The following CNTNAP5 variants were observed in gnomAD, a reference collection of about 807,000 sequenced individuals.
CNTNAP5 encodes the protein contactin associated protein family member 5.
Under a neutral mutation model 150.2 loss-of-function variants are expected in CNTNAP5, and 72 were observed. That is an observed-to-expected ratio of 0.48 (90% CI 0.40 to 0.58). The LOEUF is 0.58. CNTNAP5 is among the 20% of genes least tolerant of loss of function. CNTNAP5 has a pLI of 0.00. For missense variants in CNTNAP5, 1,636 were observed against 1,626.2 expected (o/e 1.01, Z -0.10); for synonymous variants, 672 against 619.8 (o/e 1.08, Z -1.25).
intron 20 of CNTNAP5, among the ~76,000 whole-genome samples, chr2:124,866,853 T>C (rs991691565): frequency 4.6e-5 from 7 of 152,168 alleles, no homozygotes; most frequent in African/African-American, 1.7e-4. Context: ...CTCTCCTCTT[T>C]ACTTATACTG....
chr2:124,107,444 A>G (rs1683193956), intron 1 of CNTNAP5, among the ~76,000 whole-genome samples: 2 of 152,216 alleles, frequency 1.3e-5, no homozygotes, highest in Admixed American at 1.3e-4. Flanking sequence ...ACCTTTGCTC[A>G]TTATGATATT....
chr2:124,529,972 C>T lies in CNTNAP5; in HGVS notation c.1649+2516C>T, dbSNP rs563651320. ...CAACCGGGCATCTTACATACTTAAA[C>T]GGTATTAGTGCTAGTCACGTGGGAA... On this transcript the variant is annotated intron_variant, in intron 10 of 23. Coordinates refer to ENST00000682447, the MANE Select transcript of CNTNAP5 (RefSeq NM_001367498.1). Among the ~76,000 whole-genome samples the T allele has an allele frequency of 6.6e-5, 10 of 152,238 alleles. No homozygotes were observed. The South Asian group carries it at 1.9e-3, about 28-fold the overall frequency.
At chr2:124,505,821 C>A (rs1004202946) in intron 8 of CNTNAP5, among the ~76,000 whole-genome samples, 4 of 152,092 alleles carry the variant, frequency 2.6e-5, no homozygotes, top group Non-Finnish European at 5.9e-5. Context: ...GATTGGTCTG[C>A]AGCATGCTGA....
chr2:124,881,880 C>T (rs1677971787), intron 21 of CNTNAP5, among the ~76,000 whole-genome samples: 1 of 151,982 alleles, frequency 6.6e-6, no homozygotes, highest in South Asian at 2.1e-4. Flanking sequence ...TTTCATAATA[C>T]ACTTCTTCTG....
chr2:124,287,476 G>A (rs1220352167), intron 3 of CNTNAP5, among the ~76,000 whole-genome samples: 3 of 152,170 alleles, frequency 2.0e-5, no homozygotes, highest in Non-Finnish European at 2.9e-5. Flanking sequence ...TACTGATGAT[G>A]ACTGCCTTGT....
At chr2:124,267,993 T>C (rs1473946721) in intron 3 of CNTNAP5, among the ~76,000 whole-genome samples, 1 of 152,216 alleles carries the variant, frequency 6.6e-6, no homozygotes, top group Non-Finnish European at 1.5e-5. Flanking sequence ...ACACTTATGG[T>C]AATGTCAGGA....
intron 1 of CNTNAP5, among the ~76,000 whole-genome samples, chr2:124,086,175 T>C (rs1305328393): frequency 6.7e-6 from 1 of 150,090 alleles, no homozygotes; most frequent in East Asian, 2.0e-4. Flanking sequence ...CAGCTTTGTT[T>C]TTGGTGTACA....
Position 124,865,328 on chromosome 2 carries a change from C to G in CNTNAP5, c.3240C>G (p.His1080Gln), listed in dbSNP as rs1357280071. Residue 1080 changes from histidine to glutamine, a missense_variant, in exon 20 of 24, where the codon CAC becomes CAG. His to Gln is a conservative substitution (Grantham distance 24, BLOSUM62 0). Coordinates refer to ENST00000682447, the MANE Select transcript of CNTNAP5 (RefSeq NM_001367498.1). ...AAGGAAGCTTACAGGTTCGCTATCA[C>G]CTAAACAAGGAAGAAACCCATGTAT... The part of the protein sequence containing the change: ...CKNGSLQVRY[H>Q]LNKEETHVFT... 1.3e-6 allele frequency: 2 copies of G among 1,564,164 alleles called. No homozygotes were observed. The highest frequency in any genetic ancestry group is 3.8e-5 in the Admixed American group (2 of 52,724).
chr2:124,361,513 G>A (rs1690196438), intron 3 of CNTNAP5, among the ~76,000 whole-genome samples: 1 of 146,418 alleles, frequency 6.8e-6, no homozygotes, highest in South Asian at 2.2e-4. Context: ...CTGTTTGTTA[G>A]TTTTCCTTCT....
intron 19 of CNTNAP5, among the ~76,000 whole-genome samples, chr2:124,804,224 C>T (rs1015048742): frequency 6.6e-6 from 1 of 152,100 alleles, no homozygotes; most frequent in Non-Finnish European, 1.5e-5. Context: ...ATAAAGAGTC[C>T]TCCTGGTCAC....
chr2:124,721,813 T>C (rs1185726273), intron 13 of CNTNAP5, among the ~76,000 whole-genome samples: 3 of 152,128 alleles, frequency 2.0e-5, no homozygotes, highest in South Asian at 4.1e-4. Context: ...ATGCCACAGA[T>C]TGAGTGGCTT....
chr2:124,555,994 A>T (rs1048215868), intron 10 of CNTNAP5, among the ~76,000 whole-genome samples: 7 of 152,198 alleles, frequency 4.6e-5, no homozygotes, highest in African/African-American at 1.7e-4. Flanking sequence ...ACCAAAAATT[A>T]TCTTTAAAAA....
chr2:124,695,039 G>A (rs1204968440), intron 13 of CNTNAP5, among the ~76,000 whole-genome samples: 3 of 151,614 alleles, frequency 2.0e-5, no homozygotes, highest in Non-Finnish European at 4.4e-5. Context: ...TGTAATGGAA[G>A]CAACATGACA....
intron 12 of CNTNAP5, among the ~76,000 whole-genome samples, chr2:124,629,775 T>G (rs959099410): frequency 8.3e-6 from 1 of 121,206 alleles, no homozygotes; most frequent in Non-Finnish European, 1.7e-5. Flanking sequence ...CAGGAGCTGT[T>G]TTTTTTTTTT....
chr2:124,551,943 T>A lies in CNTNAP5; in HGVS notation c.1650-11274T>A, dbSNP rs140192727. Among the ~76,000 whole-genome samples, 157 of 152,302 alleles carry A rather than the reference T, an allele frequency of 1.0e-3. 2 individuals carry two copies. The East Asian group carries it at 0.016, about 16-fold the overall frequency. ...GATGTGTTCAGGTTGAAGATTTTTTTAAGAGGGGTAGGCATGTGTCTAAAC... is the reference window on the plus strand; with the variant it reads ...GATGTGTTCAGGTTGAAGATTTTTTAAAGAGGGGTAGGCATGTGTCTAAAC... On this transcript the variant is annotated intron_variant, in intron 10 of 23. Coordinates refer to ENST00000682447, the MANE Select transcript of CNTNAP5 (RefSeq NM_001367498.1).
rs1434164598 is a variant in CNTNAP5, at chr2:124,920,474, C to T, written c.*6186C>T. On this transcript the variant is annotated 3_prime_UTR_variant, in exon 24 of 24. Coordinates refer to ENST00000682447, the MANE Select transcript of CNTNAP5 (RefSeq NM_001367498.1). The stretch of plus-strand genomic sequence containing the variant: ...GTAGTATCAACCTGTGTAACCTTGT[C>T]CTGCCTTAAATACTGTTGCAAAAAA... Among the ~76,000 whole-genome samples, 1 of 152,062 alleles carries T rather than the reference C, an allele frequency of 6.6e-6. No homozygotes were observed. Among genetic ancestry groups the T allele is most frequent in the Non-Finnish European group, 1.5e-5 (1 of 67,990 alleles).
At chr2:124,695,096 T>C (rs1679379129) in intron 13 of CNTNAP5, among the ~76,000 whole-genome samples, 1 of 152,140 alleles carries the variant, frequency 6.6e-6, no homozygotes, top group Non-Finnish European at 1.5e-5. Flanking sequence ...TCCATCGCTT[T>C]CTTCAGTCCA....
chr2:124,435,856 AT>A (rs1413849942), intron 5 of CNTNAP5, among the ~76,000 whole-genome samples: 1 of 152,174 alleles, frequency 6.6e-6, no homozygotes, highest in Non-Finnish European at 1.5e-5. Context: ...GAATCTCTAG[AT>A]TTCAAAGTTT....
chr2:124,339,787 T>C (rs1689564887), intron 3 of CNTNAP5, among the ~76,000 whole-genome samples: 2 of 152,044 alleles, frequency 1.3e-5, no homozygotes, highest in South Asian at 4.2e-4. Flanking sequence ...GACATTTTGG[T>C]GGGCAGGGGT....
Sources: allele counts gnomAD v4.1 joint callset (sites outside exome capture counted in the v4.1 genomes callset), GRCh38; gene constraint gnomAD v4.1.1; transcripts MANE v1.5; gene names NCBI Gene and HGNC (gene_info 2026-07-23, HGNC 2026-07-21).